Variants in EXD3 observed in about 807,000 individuals in gnomAD.
The protein encoded by EXD3 is exonuclease mut-7 homolog.
In EXD3, 92 loss-of-function variants were observed where a neutral mutation model predicts 98.0. The ratio of observed to expected loss-of-function variants is 0.94; its 90% CI spans 0.79 to 1.12. The LOEUF is 1.12. Among genes scored for constraint, EXD3 ranks in the 50% most tolerant of loss-of-function variants. The probability of loss-of-function intolerance (pLI) is 0.00; values close to 1 mark genes in which losing one functional copy is unlikely to be tolerated. For synonymous variants in EXD3, 569 were observed against 526.0 expected, an observed-to-expected ratio of 1.08 and a Z score of -1.12; for missense variants, 1,222 against 1,191.6, an observed-to-expected ratio of 1.03 and a Z score of -0.38.
At chr9:137,322,590 A>C (rs1217727410) in intron 19 of EXD3, among the ~76,000 whole-genome samples, 3 of 64,192 alleles carry the variant, frequency 4.7e-5, no homozygotes, top group Admixed American at 1.6e-4. Context: ...ACCCCGGACC[A>C]CGAGGGATGC....
intron 11 of EXD3, 122 bp downstream of exon 11, chr9:137,352,498 G>C: frequency 9.2e-7 from 1 of 1,085,992 alleles, no homozygotes; most frequent in Non-Finnish European, 1.3e-6. Flanking sequence ...TGCGCTCTTT[G>C]TTTTGTCTTG....
rs564766589 is a variant in EXD3, at chr9:137,349,915, C to A, written c.1495-384G>T. Among the ~76,000 whole-genome samples, 6 of 151,878 alleles carry A rather than the reference C, an allele frequency of 4.0e-5. No individual in the cohort carries two copies. The highest frequency in any genetic ancestry group is 7.4e-5 in the Non-Finnish European group (5 of 67,980). The stretch of plus-strand genomic sequence containing the variant: ...CAGCAGAAACGCAGACAAAATGCAG[C>A]GAAACCACCCCCGGGGGGCTCTAGT... On this transcript the variant is annotated intron_variant, in intron 14 of 21. Transcript: ENST00000340951. This position sits in a 1 kb window ranked among gnomAD's most constrained non-coding sequence, Gnocchi z 7.4.
At chr9:137,355,736 C>T (rs924431161) in intron 8 of EXD3, among the ~76,000 whole-genome samples, 12 of 30,234 alleles carry the variant, frequency 4.0e-4, no homozygotes, top group African/African-American at 1.5e-3. Flanking sequence ...GAAGGAGGAC[C>T]TAGAAACACT....
At chr9:137,328,187 G>T (rs896097574) in intron 17 of EXD3, among the ~76,000 whole-genome samples, 1 of 142,190 alleles carries the variant, frequency 7.0e-6, no homozygotes, top group Non-Finnish European at 1.6e-5. Flanking sequence ...CCAATATGAT[G>T]AGTAAAACAA....
intron 17 of EXD3, among the ~76,000 whole-genome samples, chr9:137,340,094 C>G (rs1336328155): frequency 6.6e-6 from 1 of 152,094 alleles, no homozygotes; most frequent in Admixed American, 6.6e-5. Flanking sequence ...AAAATAAAAC[C>G]CACACGATTT....
At chr9:137,368,725 C>A (rs1835407431) in intron 5 of EXD3, among the ~76,000 whole-genome samples, 1 of 152,242 alleles carries the variant, frequency 6.6e-6, no homozygotes, top group South Asian at 2.1e-4. Context: ...CTTCCAGCCC[C>A]GGTGCGCAGG....
chr9:137,356,058 C>T (rs960009659), intron 8 of EXD3, among the ~76,000 whole-genome samples: 1 of 152,200 alleles, frequency 6.6e-6, no homozygotes, highest in Non-Finnish European at 1.5e-5. Flanking sequence ...AGCTCATAGA[C>T]CCGTTGGCTG....
chr9:137,403,239 C>T lies in EXD3; in HGVS notation c.-47-7835G>A, dbSNP rs1588428657. Among the ~76,000 whole-genome samples, 1 of 151,976 alleles carries T rather than the reference C, an allele frequency of 6.6e-6. No individual in the cohort carries two copies. Among genetic ancestry groups the T allele is most frequent in the Middle Eastern group, 3.4e-3 (1 of 294 alleles). ...GCTTGGAAATGGGTTGGGGGCACCCCAGGAGTGGGGCCCCACTGTGAGTGA... is the reference window on the plus strand; with the variant it reads ...GCTTGGAAATGGGTTGGGGGCACCCTAGGAGTGGGGCCCCACTGTGAGTGA... On this transcript the variant is annotated intron_variant, in intron 1 of 21. Coordinates refer to ENST00000340951, the MANE Select transcript of EXD3 (RefSeq NM_017820.5). This position sits in a 1 kb window ranked among gnomAD's most constrained non-coding sequence, Gnocchi z 6.1.
intron 7 of EXD3, chr9:137,366,065 G>A: frequency 1.5e-6 from 1 of 679,470 alleles, no homozygotes; most frequent in Non-Finnish European, 2.7e-6. Flanking sequence ...TGGCTTCCCT[G>A]AATCCATACA....
chr9:137,325,796 A>C (rs1444865315), intron 17 of EXD3, among the ~76,000 whole-genome samples: 4 of 151,560 alleles, frequency 2.6e-5, no homozygotes, highest in African/African-American at 4.9e-5. Flanking sequence ...ATACTATAAA[A>C]CTCTTAGAAG....
At chr9:137,330,684 A>G (rs1225576423) in intron 17 of EXD3, among the ~76,000 whole-genome samples, 2 of 151,980 alleles carry the variant, frequency 1.3e-5, no homozygotes, top group African/African-American at 4.8e-5. Context: ...GCAACAATGG[A>G]GCCAAAAGGT....
chr9:137,413,175 A>G (rs191434655), intron 1 of EXD3, among the ~76,000 whole-genome samples: 187 of 152,104 alleles, frequency 1.2e-3, no homozygotes, highest in Non-Finnish European at 2.4e-3. Flanking sequence ...GTTCACATAC[A>G]TGAGTCACCA....
At chr9:137,348,276 C>T (rs780097636) in intron 16 of EXD3, 38 bp from the exon 17 acceptor site, 49 of 1,586,960 alleles carry the variant, frequency 3.1e-5, no homozygotes, top group Non-Finnish European at 4.1e-5. Flanking sequence ...CACGGTCACC[C>T]CCCAGCCCCT....
In EXD3 at chr9:137,373,070, G is replaced by A. The variant is rs1045683563; in HGVS notation, c.297C>T (p.His99=). The A allele has an allele frequency of 6.4e-7, 1 of 1,567,874 alleles. No homozygotes were observed. The highest frequency in any genetic ancestry group is 8.6e-7 in the Non-Finnish European group (1 of 1,160,516). Residue 99 remains histidine (H), a splice_region_variant and synonymous_variant, in exon 5 of 22, where the codon CAC becomes CAT. Transcript: ENST00000340951. ...QAQPCPSLAQ[H]SLRLKQLQAR... Reference sequence around the variant, plus strand: ...CCTGCAGCTGCTTCAGCCTCAGGCTGTGCTGGAAGAGCAGGGACCCAGACT... The same window carrying A: ...CCTGCAGCTGCTTCAGCCTCAGGCTATGCTGGAAGAGCAGGGACCCAGACT...
At chr9:137,388,808 C>T (rs1836745428) in intron 2 of EXD3, among the ~76,000 whole-genome samples, 1 of 152,218 alleles carries the variant, frequency 6.6e-6, no homozygotes, top group African/African-American at 2.4e-5. Context: ...CAGCATCAGA[C>T]CCCGCGGCAG....
chr9:137,316,338 C>G (rs984155942), intron 19 of EXD3, among the ~76,000 whole-genome samples: 174 of 152,066 alleles, frequency 1.1e-3, no homozygotes, highest in Non-Finnish European at 1.2e-3. Context: ...GGGGACCCCG[C>G]CTGCCCGTCC....
chr9:137,353,544 G>T, intron 10 of EXD3: 2 of 986,140 alleles, frequency 2.0e-6, no homozygotes, highest in Non-Finnish European at 2.4e-6. Flanking sequence ...GGGTGGCAAT[G>T]ACCAAGGGGG....
intron 1 of EXD3, among the ~76,000 whole-genome samples, chr9:137,408,546 CAAA>C (rs570243090): frequency 2.9e-4 from 13 of 44,486 alleles, no homozygotes; most frequent in South Asian, 7.9e-4. Flanking sequence ...GACTCTGCCT[CAAA>C]AAAAAAAAAA....
In EXD3 at chr9:137,349,384, GCTC is replaced by G. The variant is rs745484436; in HGVS notation, c.1639_1641del (p.Glu547del). 76 of 1,592,122 alleles carry G rather than the reference GCTC, an allele frequency of 4.8e-5. No individual in the cohort carries two copies. The African/African-American group carries it at 9.1e-4, about 19-fold the overall frequency. ...CACCGCACACCTGCGTAGATGACCT[GCTC>G]CTCGCAGAGCGGCCTCCGGTCCCAG... On this transcript the variant is annotated inframe_deletion, in exon 15 of 22. Coordinates refer to ENST00000340951, the MANE Select transcript of EXD3 (RefSeq NM_017820.5). The surrounding 1 kb of genome is among the most constrained non-coding windows in gnomAD (Gnocchi z 7.4).
Sources: gnomAD v4.1 joint callset for allele counts (sites outside exome capture counted in the v4.1 genomes callset) on GRCh38, gnomAD v4.1.1 for gene constraint, Gnocchi (gnomAD v3.1) non-coding constraint, MANE v1.5 for transcripts, NCBI Gene and HGNC (gene_info 2026-07-23, HGNC 2026-07-21) for gene names.